Variants in NDRG2 observed in about 807,000 individuals in gnomAD.
The protein encoded by NDRG2 is NDRG family member 2.
In NDRG2, 34 loss-of-function variants were observed where a neutral mutation model predicts 58.2. The observed-to-expected ratio is 0.58, with a 90% CI of 0.44 to 0.78. The LOEUF (loss-of-function observed/expected upper bound fraction) is 0.78. Ranked by LOEUF, NDRG2 falls within the 30% of genes least tolerant of loss-of-function variation. The pLI, the probability that NDRG2 is intolerant of heterozygous loss-of-function variation, is 0.00. For synonymous variants in NDRG2, 187 were observed against 175.9 expected (o/e 1.06, Z -0.50); for missense variants, 434 against 471.2 (o/e 0.92, Z 0.73).
chr14:21,022,370 G>A, intron 4 of NDRG2, 22 bp downstream of exon 4: 1 of 1,601,298 alleles, frequency 6.2e-7, no homozygotes, highest in Non-Finnish European at 8.6e-7. Context: ...GACAGGAGTG[G>A]GAGATGAATG....
chr14:21,030,777 G>C, upstream of NDRG2: 1 of 1,610,836 alleles, frequency 6.2e-7, no homozygotes, highest in Non-Finnish European at 8.5e-7. Flanking sequence ...AAATATGGAG[G>C]TGGGGGTGAG....
Position 21,024,103 on chromosome 14 carries a change from A to C in NDRG2, c.-80T>G. ...CTCCTTCTGACTCTGGGGTCTGAGA[A>C]AACACAGCAACGAGGTGAATGACAT... On this transcript the variant is annotated 5_prime_UTR_variant, in exon 1 of 16. Coordinates refer to ENST00000556147, the MANE Select transcript of NDRG2 (RefSeq NM_001320329.2). 1 of 985,442 alleles carries C rather than the reference A, an allele frequency of 1.0e-6. No homozygotes were observed. Among genetic ancestry groups the C allele is most frequent in the Non-Finnish European group, 1.2e-6 (1 of 829,972 alleles). 61.0% of individuals were successfully genotyped at this position (985,442 alleles called of 1,614,324 possible). A position where few individuals can be genotyped will look rare whatever the true frequency, so the allele number is the denominator to read the frequency against.
intron 1 of NDRG2, among the ~76,000 whole-genome samples, chr14:21,058,688 C>T (rs145072209): frequency 2.6e-4 from 40 of 152,268 alleles, no homozygotes; most frequent in South Asian, 8.3e-4. Flanking sequence ...AAATTACAAA[C>T]GTAAATAAGT....
chr14:21,042,010 A>G (rs1884919525), intron 1 of NDRG2, among the ~76,000 whole-genome samples: 1 of 152,102 alleles, frequency 6.6e-6, no homozygotes, highest in East Asian at 1.9e-4. Context: ...ACAGTGATTG[A>G]CTCTTCCCAG....
In NDRG2 at chr14:21,059,227, G is replaced by C. The variant is rs143751741; in HGVS notation, c.24+11601C>G. Among the ~76,000 whole-genome samples the C allele has an allele frequency of 9.5e-3, 1,446 of 152,270 alleles. 22 individuals are homozygous for C. The highest frequency in any genetic ancestry group is 0.033 in the African/African-American group (1,362 of 41,524). ...CGTTCTGGAGTGAACTTCCCTCCTT[G>C]GGGAATTTCAGAATCAGGACCTACT... On this transcript the variant is annotated intron_variant, in intron 1 of 14. Transcript: ENST00000403829.
At chr14:21,036,373 GGAA>G (rs1217091378) in intron 1 of NDRG2, 2 of 409,450 alleles carry the variant, frequency 4.9e-6, no homozygotes, top group South Asian at 1.8e-5. Context: ...GGGCCACATT[GGAA>G]GAAGAATTGT....
At chr14:21,027,064 G>A (rs923658923), upstream of NDRG2, among the ~76,000 whole-genome samples, 1 of 152,296 alleles carries the variant, frequency 6.6e-6, no homozygotes, top group African/African-American at 2.4e-5. Flanking sequence ...GATGACTCAG[G>A]GGGAACCTGA....
At chr14:21,041,566 T>G (rs927402697) in intron 1 of NDRG2, among the ~76,000 whole-genome samples, 3 of 152,156 alleles carry the variant, frequency 2.0e-5, no homozygotes, top group Non-Finnish European at 2.9e-5. Flanking sequence ...CTGACCCAGA[T>G]GCTCCACACA....
intron 1 of NDRG2, among the ~76,000 whole-genome samples, chr14:21,055,965 C>T (rs1885658331): frequency 6.6e-6 from 1 of 152,072 alleles, no homozygotes; most frequent in Non-Finnish European, 1.5e-5. Flanking sequence ...GTTTTGTTTG[C>T]TTTGTGGGGA....
intron 1 of NDRG2, among the ~76,000 whole-genome samples, chr14:21,051,850 C>T (rs1025857599): frequency 5.9e-5 from 9 of 152,154 alleles, no homozygotes; most frequent in Admixed American, 5.9e-4. Flanking sequence ...AGTTCAAAGA[C>T]GACCCTCGTG....
chr14:21,059,115 C>A (rs1358730376), intron 1 of NDRG2, among the ~76,000 whole-genome samples: 1 of 152,172 alleles, frequency 6.6e-6, no homozygotes, highest in African/African-American at 2.4e-5. Flanking sequence ...CCCTGGGATG[C>A]CAGTCAGGTC....
chr14:21,048,711 T>C (rs1270494129), intron 1 of NDRG2, among the ~76,000 whole-genome samples: 1 of 151,668 alleles, frequency 6.6e-6, no homozygotes, highest in Admixed American at 6.6e-5. Context: ...TTGAATGGTG[T>C]TAGCATTTCT....
At chr14:21,019,288 G>A in intron 10 of NDRG2, 128 bp from the exon 11 acceptor site, 1 of 911,724 alleles carries the variant, frequency 1.1e-6, no homozygotes, top group Non-Finnish European at 1.7e-6. Flanking sequence ...ATTAAAGGTG[G>A]AAACCAAAGG....
At chr14:21,021,764 C>G (rs1880499828) in intron 6 of NDRG2, 53 bp downstream of exon 6, 2 of 1,573,856 alleles carry the variant, frequency 1.3e-6, no homozygotes. Context: ...TTCTAAGGGT[C>G]TCCTTGTGCT....
chr14:21,019,542 C>G, intron 10 of NDRG2, 97 bp downstream of exon 10: 1 of 791,540 alleles, frequency 1.3e-6, no homozygotes, highest in Non-Finnish European at 2.1e-6. Flanking sequence ...ACATTGCACA[C>G]TACCCAGACT....
intron 1 of NDRG2, among the ~76,000 whole-genome samples, chr14:21,054,251 T>C (rs1885584630): frequency 6.6e-6 from 1 of 152,040 alleles, no homozygotes; most frequent in African/African-American, 2.4e-5. Context: ...ACCTACAAAA[T>C]AAGCATAAAT....
At chr14:21,043,432 T>A in intron 1 of NDRG2, 1 of 1,607,056 alleles carries the variant, frequency 6.2e-7, no homozygotes, top group Non-Finnish European at 8.5e-7. Context: ...CAATTCCACC[T>A]GGTTCCTGTA....
chr14:21,028,241 T>TTTTTG (rs71112541), upstream of NDRG2, among the ~76,000 whole-genome samples: 40,866 of 150,386 alleles, frequency 0.27, 6,279 homozygotes, highest in East Asian at 0.37. Context: ...CTTGGGGTTC[T>TTTTTG]TTTTGTTTTG....
At chr14:21,044,452 C>T (rs1339424196) in intron 1 of NDRG2, among the ~76,000 whole-genome samples, 1 of 152,192 alleles carries the variant, frequency 6.6e-6, no homozygotes, top group Non-Finnish European at 1.5e-5. Flanking sequence ...CTTCCGTGGC[C>T]CTGAGCCTGC....
Sources: gnomAD v4.1 joint callset for allele counts (sites outside exome capture counted in the v4.1 genomes callset) on GRCh38, gnomAD v4.1.1 for gene constraint, MANE v1.5 for transcripts, NCBI Gene and HGNC (gene_info 2026-07-23, HGNC 2026-07-21) for gene names.